Variants in NAALADL2 observed in about 807,000 individuals in gnomAD.
NAALADL2 encodes inactive N-acetylated-alpha-linked acidic dipeptidase-like protein 2.
NAALADL2 carries 76 observed loss-of-function variants against 87.2 expected under a neutral mutation model. The ratio of observed to expected loss-of-function variants is 0.87; its 90% CI spans 0.72 to 1.05. The LOEUF (loss-of-function observed/expected upper bound fraction) is 1.05. NAALADL2 is among the 50% of genes least tolerant of loss of function. The pLI, the probability that NAALADL2 is intolerant of heterozygous loss-of-function variation, is 0.00. For synonymous variants in NAALADL2, 354 were observed against 331.0 expected (o/e 1.07, Z -0.75); for missense variants, 1,089 against 945.8 (o/e 1.15, Z -1.99).
chr3:174,934,596 T>C lies in NAALADL2; in HGVS notation c.43+75146T>C, dbSNP rs550070010. Among the ~76,000 whole-genome samples, 3 of 152,100 alleles carry C rather than the reference T, an allele frequency of 2.0e-5. No homozygotes were observed. The East Asian group carries it at 5.8e-4, about 29-fold the overall frequency. On this transcript the variant is annotated intron_variant, in intron 1 of 13. Transcript: ENST00000454872. ...GGAGGCAGAGGCGGGAGGATTGCTT[T>C]AGCTCGGGAGTTTGAGACCAGCCTG...
intron 2 of NAALADL2, among the ~76,000 whole-genome samples, chr3:174,686,624 C>A (rs911742335): frequency 2.0e-5 from 3 of 151,908 alleles, no homozygotes; most frequent in Admixed American, 6.6e-5. Context: ...AATAGAGACC[C>A]AGAAATAAGC....
chr3:174,784,158 C>T (rs895502259), intron 3 of NAALADL2, among the ~76,000 whole-genome samples: 4 of 152,058 alleles, frequency 2.6e-5, no homozygotes, highest in African/African-American at 9.7e-5. Context: ...TTTTACTTAG[C>T]TAGTTTGTTT....
chr3:175,109,369 T>C (rs537975313), intron 2 of NAALADL2, among the ~76,000 whole-genome samples: 1 of 151,968 alleles, frequency 6.6e-6, no homozygotes, highest in East Asian at 1.9e-4. Context: ...GAGGTCCTAG[T>C]GAGTGATGGG....
intron 9 of NAALADL2, among the ~76,000 whole-genome samples, chr3:175,561,308 A>G (rs1716234918): frequency 6.6e-6 from 1 of 152,192 alleles, no homozygotes; most frequent in African/African-American, 2.4e-5. Context: ...CAGAAATGCT[A>G]TGTAAATAGT....
At chr3:175,150,819 T>C (rs926670465) in intron 2 of NAALADL2, among the ~76,000 whole-genome samples, 3 of 152,184 alleles carry the variant, frequency 2.0e-5, no homozygotes, top group Non-Finnish European at 4.4e-5. Flanking sequence ...TAAAAGGTAT[T>C]CTGGGAGGTG....
chr3:175,795,434 G>C (rs1753336008), intron 13 of NAALADL2, among the ~76,000 whole-genome samples: 1 of 151,916 alleles, frequency 6.6e-6, no homozygotes, highest in African/African-American at 2.4e-5. Flanking sequence ...AGCATTTTGG[G>C]AGACCGAGGT....
In NAALADL2 at chr3:174,705,849, T is replaced by C. The variant is rs1245885912; in HGVS notation, c.-114-31792T>C. 2.0e-5 allele frequency among the ~76,000 whole-genome samples: 3 copies of C among 151,724 alleles called. No individual in the cohort carries two copies. The East Asian group carries it at 5.8e-4, about 30-fold the overall frequency. On this transcript the variant is annotated intron_variant, in intron 2 of 3. Coordinates refer to the NAALADL2 transcript ENST00000434257. The stretch of plus-strand genomic sequence containing the variant: ...TTATCAGTGTTGGATAAGATGAGAG[T>C]TGGATATGTGATCCAGTTTTAAGTG...
intron 2 of NAALADL2, among the ~76,000 whole-genome samples, chr3:175,175,376 T>A (rs1179914437): frequency 6.6e-6 from 1 of 152,066 alleles, no homozygotes; most frequent in African/African-American, 2.4e-5. Flanking sequence ...ATTAAACAAC[T>A]TTTTTGTGGC....
chr3:174,860,816 G>T (rs1288686350), intron 1 of NAALADL2, among the ~76,000 whole-genome samples: 3 of 151,822 alleles, frequency 2.0e-5, no homozygotes, highest in Admixed American at 1.3e-4. Flanking sequence ...ACATTTTGTT[G>T]TTGTTTCTTT....
chr3:174,560,095 T>C (rs1713400441), intron 2 of NAALADL2, among the ~76,000 whole-genome samples: 1 of 152,232 alleles, frequency 6.6e-6, no homozygotes, highest in South Asian at 2.1e-4. Flanking sequence ...TTTCCTGGTC[T>C]GTGTGGATCA....
intron 5 of NAALADL2, among the ~76,000 whole-genome samples, chr3:175,359,729 T>C (rs1210840147): frequency 2.0e-5 from 3 of 152,152 alleles, no homozygotes; most frequent in East Asian, 3.8e-4. Context: ...CATTAAATTA[T>C]ATGGAATAGA....
chr3:175,008,974 T>C (rs1247701654), intron 1 of NAALADL2, among the ~76,000 whole-genome samples: 2 of 152,188 alleles, frequency 1.3e-5, no homozygotes, highest in African/African-American at 4.8e-5. Context: ...AAAAGACAAA[T>C]CTAAATGTAA....
At chr3:174,816,386 A>ATATGTGTG (rs147963207) in intron 3 of NAALADL2, among the ~76,000 whole-genome samples, 6 of 143,234 alleles carry the variant, frequency 4.2e-5, no homozygotes, top group Admixed American at 3.5e-4. Context: ...AGATATATAT[A>ATATGTGTG]TGTGTGTGTG....
chr3:174,909,920 C>T (rs1267559108), intron 1 of NAALADL2, among the ~76,000 whole-genome samples: 1 of 152,006 alleles, frequency 6.6e-6, no homozygotes, highest in Non-Finnish European at 1.5e-5. Flanking sequence ...TTTAACTACA[C>T]AAGTTAAGTA....
intron 2 of NAALADL2, among the ~76,000 whole-genome samples, chr3:175,198,361 C>T (rs1739321431): frequency 6.6e-6 from 1 of 151,970 alleles, no homozygotes; most frequent in South Asian, 2.1e-4. Context: ...TATATTACTT[C>T]ATACCTCTAA....
At position 175,483,230 on chromosome 3, in the gene NAALADL2, G is replaced by A. The variant is rs530300592; in HGVS notation, c.1653+11472G>A. 7.9e-5 allele frequency among the ~76,000 whole-genome samples: 12 copies of A among 151,146 alleles called. No homozygotes were observed. The South Asian group carries it at 2.5e-3, about 32-fold the overall frequency. The stretch of plus-strand genomic sequence containing the variant: ...AGGAAGTTTATGGAGATATGTTGGA[G>A]GAAAAAAGAGTCATTAAGTCTTTAG... On this transcript the variant is annotated intron_variant, in intron 9 of 13. Transcript: ENST00000454872.
At chr3:174,629,780 T>C (rs984432838) in intron 2 of NAALADL2, among the ~76,000 whole-genome samples, 5 of 152,192 alleles carry the variant, frequency 3.3e-5, no homozygotes, top group African/African-American at 1.2e-4. Flanking sequence ...TACGTATGTA[T>C]GCGTATGTTA....
chr3:174,920,662 C>T (rs1735041848), intron 1 of NAALADL2, among the ~76,000 whole-genome samples: 1 of 152,164 alleles, frequency 6.6e-6, no homozygotes, highest in Admixed American at 6.6e-5. Context: ...CGGAATGGCA[C>T]TTTTAATTTC....
rs1311622842 is a variant in NAALADL2, at chr3:174,961,184, A to G, written c.43+101734A>G. On this transcript the variant is annotated intron_variant, in intron 1 of 13. Coordinates refer to ENST00000454872, the MANE Select transcript of NAALADL2 (RefSeq NM_207015.3). ...TTGTTTGTAGAGATAAGGTCTCACT[A>G]TGTTGCCCAGACTGGTCTCAAACTT... Among the ~76,000 whole-genome samples the G allele has an allele frequency of 2.0e-5, 3 of 150,472 alleles. No individual in the cohort carries two copies. In the East Asian group the frequency reaches 5.8e-4, roughly 29 times the overall value.
Sources: allele counts gnomAD v4.1 joint callset (sites outside exome capture counted in the v4.1 genomes callset), GRCh38; gene constraint gnomAD v4.1.1; transcripts MANE v1.5; gene names NCBI Gene and HGNC (gene_info 2026-07-23, HGNC 2026-07-21).